RASA2: variants seen among roughly 807,000 people sequenced by gnomAD.
The protein encoded by RASA2 is ras GTPase-activating protein 2.
Under a neutral mutation model 118.2 loss-of-function variants are expected in RASA2, and 155 were observed. That is an observed-to-expected ratio of 1.31 (90% CI 1.15 to 1.50). RASA2 has a LOEUF of 1.50. Among genes scored for constraint, RASA2 ranks in the 40% most tolerant of loss-of-function variants. The probability of loss-of-function intolerance (pLI) is 0.00; values close to 1 mark genes in which losing one functional copy is unlikely to be tolerated. For missense variants in RASA2, 1,016 were observed against 1,009.6 expected (o/e 1.01, Z -0.09); for synonymous variants, 353 against 349.1 (o/e 1.01, Z -0.12).
chr3:141,610,064 C>G lies in RASA2; in HGVS notation c.2517C>G (p.Ser839Arg). Reference protein sequence around the residue: ...KKRSSSAKYGSKENPIVGKAS With the variant: ...KKRSSSAKYGRKENPIVGKAS ...GATCCAGTAGTGCAAAATATGGGAG[C>G]AAGTGAGTAATTTTTAAGCTATTGT... Residue 839 changes from serine (S) to arginine (R), a missense_variant and splice_region_variant, in exon 23 of 24, where the codon AGC (serine) becomes AGG (arginine). By Grantham distance (110) the Ser-to-Arg change is moderately radical. This residue lies in a region of RASA2 where 120 missense variants were observed against 173.2 expected (regional missense o/e 0.69). Coordinates refer to ENST00000286364, the MANE Select transcript of RASA2 (RefSeq NM_006506.5). The G allele has an allele frequency of 1.3e-6, 2 of 1,568,738 alleles. No homozygotes were observed. Among genetic ancestry groups the G allele is most frequent in the Non-Finnish European group, 1.7e-6 (2 of 1,158,204 alleles).
At chr3:141,584,626 A>G (rs1466651775) in intron 17 of RASA2, among the ~76,000 whole-genome samples, 1 of 152,184 alleles carries the variant, frequency 6.6e-6, no homozygotes, top group Non-Finnish European at 1.5e-5. Flanking sequence ...GTTATATATG[A>G]TAGAAGTTGG....
intron 7 of RASA2, among the ~76,000 whole-genome samples, chr3:141,558,436 G>A (rs187913807): frequency 6.6e-6 from 1 of 152,286 alleles, no homozygotes; most frequent in Admixed American, 6.5e-5. Flanking sequence ...AAATTAAATA[G>A]GAGATCAAGG....
At chr3:141,502,420 G>A (rs1315990987) in intron 1 of RASA2, among the ~76,000 whole-genome samples, 1 of 152,078 alleles carries the variant, frequency 6.6e-6, no homozygotes, top group African/African-American at 2.4e-5. Flanking sequence ...TGGCATTTTA[G>A]GTTCTCTGTT....
intron 5 of RASA2, among the ~76,000 whole-genome samples, chr3:141,551,553 G>T (rs1446374805): frequency 6.6e-6 from 1 of 152,054 alleles, no homozygotes; most frequent in African/African-American, 2.4e-5. Flanking sequence ...CTGCCCTGGG[G>T]TCCCTAGTCA....
intron 19 of RASA2, among the ~76,000 whole-genome samples, chr3:141,594,483 C>G (rs77298588): frequency 0.027 from 4,160 of 151,960 alleles, 218 homozygotes; most frequent in African/African-American, 0.09. Flanking sequence ...CGCACTTAGA[C>G]ATAAAATAGT....
At chr3:141,493,415 T>C (rs967605972) in intron 1 of RASA2, among the ~76,000 whole-genome samples, 6 of 152,178 alleles carry the variant, frequency 3.9e-5, no homozygotes, top group Non-Finnish European at 8.8e-5. Flanking sequence ...TGACTGTCTG[T>C]CACCATCACC....
intron 2 of RASA2, 64 bp from the exon 3 acceptor site, chr3:141,516,262 GAA>G (rs2082024239): frequency 9.7e-7 from 1 of 1,028,904 alleles, no homozygotes; most frequent in African/African-American, 1.7e-5. Flanking sequence ...AATTATTATT[GAA>G]AGTGATATTA....
chr3:141,498,243 T>C (rs2081731520), intron 1 of RASA2, among the ~76,000 whole-genome samples: 2 of 152,216 alleles, frequency 1.3e-5, no homozygotes, highest in South Asian at 4.1e-4. Context: ...GGTTATTTGC[T>C]CAGGATTGTA....
At chr3:141,567,368 G>A (rs965090741) in intron 9 of RASA2, among the ~76,000 whole-genome samples, 3 of 152,076 alleles carry the variant, frequency 2.0e-5, no homozygotes, top group Non-Finnish European at 2.9e-5. Context: ...TGAGCCGAGA[G>A]CATGCCATTG....
intron 1 of RASA2, among the ~76,000 whole-genome samples, chr3:141,490,252 C>T (rs1397230674): frequency 2.0e-5 from 3 of 149,110 alleles, no homozygotes; most frequent in African/African-American, 7.4e-5. Flanking sequence ...TACTCGACTC[C>T]ATTCTTCGGT....
Position 141,573,148 on chromosome 3 carries a change from T to TA in RASA2, c.1287dup (p.Cys430MetfsTer2). 1 of 1,553,958 alleles carries TA rather than the reference T, an allele frequency of 6.4e-7. No homozygotes were observed. Among genetic ancestry groups the TA allele is most frequent in the Non-Finnish European group, 8.6e-7 (1 of 1,159,218 alleles). The stretch of plus-strand genomic sequence containing the variant: ...TTAACTGAAAAATTTATTTTTCAGA[T>TA]ATGTGACTCCTCAAAATCCTGTGAA... On this transcript the variant is annotated frameshift_variant and splice_region_variant, in exon 13 of 24. Coordinates refer to ENST00000286364, the MANE Select transcript of RASA2 (RefSeq NM_006506.5). LOFTEE classifies it high-confidence loss of function.
At chr3:141,507,609 T>C (rs1577653806) in intron 1 of RASA2, among the ~76,000 whole-genome samples, 1 of 152,226 alleles carries the variant, frequency 6.6e-6, no homozygotes, top group East Asian at 1.9e-4. Context: ...AGTAAGCCGT[T>C]GTTGTTGCTG....
chr3:141,525,052 G>C (rs2082166546), intron 3 of RASA2: 2 of 152,122 alleles, frequency 1.3e-5, no homozygotes, highest in African/African-American at 4.8e-5. Context: ...TTTACTGATG[G>C]CAAGAAAATG....
intron 19 of RASA2, among the ~76,000 whole-genome samples, chr3:141,595,928 A>G (rs967961608): frequency 6.6e-6 from 1 of 152,192 alleles, no homozygotes; most frequent in Non-Finnish European, 1.5e-5. Flanking sequence ...CTGTACTTGA[A>G]TATTTTAATA....
In RASA2 at chr3:141,574,077, T is replaced by G. The variant is rs765162514; in HGVS notation, c.1483+10T>G. The G allele has an allele frequency of 6.9e-7, 1 of 1,443,244 alleles. No individual in the cohort carries two copies. The highest frequency in any genetic ancestry group is 2.2e-5 in the Admixed American group (1 of 45,714). 89.4% of individuals were successfully genotyped at this position (1,443,244 alleles called of 1,614,324 possible). ...ACTCAGAGATTTCCTAGTAAGTGCC[T>G]TGTTTTACTAAAACATGCCATTTAT... On this transcript the variant is annotated intron_variant, in intron 14 of 23. Transcript: ENST00000286364.
intron 14 of RASA2, among the ~76,000 whole-genome samples, chr3:141,575,707 G>C (rs751002794): frequency 2.0e-5 from 3 of 152,180 alleles, no homozygotes; most frequent in Non-Finnish European, 2.9e-5. Context: ...ATACTAACTG[G>C]TGATCTTGGC....
At chr3:141,525,317 T>TC (rs1337913179) in intron 3 of RASA2, 3 of 149,254 alleles carry the variant, frequency 2.0e-5, no homozygotes, top group African/African-American at 7.4e-5. Flanking sequence ...CTTGTTGACT[T>TC]TTTTTTTTTA....
At chr3:141,574,808 T>A (rs1481237908) in intron 14 of RASA2, among the ~76,000 whole-genome samples, 1 of 152,240 alleles carries the variant, frequency 6.6e-6, no homozygotes, top group Non-Finnish European at 1.5e-5. Flanking sequence ...GATTTGACAG[T>A]TTGAGAATGC....
At chr3:141,536,679 T>G (rs1179423745) in intron 4 of RASA2, among the ~76,000 whole-genome samples, 1 of 152,144 alleles carries the variant, frequency 6.6e-6, no homozygotes, top group Non-Finnish European at 1.5e-5. Context: ...TGAGCTTCCT[T>G]TAGGAGATTG....
Sources: gnomAD v4.1 joint callset for allele counts (sites outside exome capture counted in the v4.1 genomes callset) on GRCh38, gnomAD v4.1.1 for gene constraint, gnomAD v4.1.1 regional missense constraint, MANE v1.5 for transcripts, NCBI Gene and HGNC (gene_info 2026-07-23, HGNC 2026-07-21) for gene names.